The following IGSF11 variants were observed in gnomAD, a reference collection of about 807,000 sequenced individuals.
IGSF11 encodes the protein CXADR like 1.
In IGSF11, 22 loss-of-function variants were observed where a neutral mutation model predicts 41.0. The observed-to-expected ratio is 0.54, with a 90% CI of 0.38 to 0.77. The LOEUF (loss-of-function observed/expected upper bound fraction) is 0.77. IGSF11 is among the 30% of genes least tolerant of loss of function. The pLI is 0.00. For missense variants in IGSF11, 444 were observed against 530.8 expected (o/e 0.84, Z 1.61); for synonymous variants, 219 against 201.3 (o/e 1.09, Z -0.74).
chr3:119,130,450 C>T (rs2077466191), intron 1 of IGSF11, among the ~76,000 whole-genome samples: 1 of 152,192 alleles, frequency 6.6e-6, no homozygotes, highest in South Asian at 2.1e-4. Context: ...GAGCCTTGCT[C>T]ACTGCTAGCG....
intron 1 of IGSF11, among the ~76,000 whole-genome samples, chr3:119,129,896 G>C (rs972983241): frequency 7.2e-5 from 11 of 152,042 alleles, no homozygotes; most frequent in African/African-American, 1.9e-4. Context: ...GAGGTGAGAG[G>C]ATTGCTTGAG....
intron 1 of IGSF11, among the ~76,000 whole-genome samples, chr3:119,051,383 G>A (rs1385146718): frequency 6.6e-6 from 1 of 151,450 alleles, no homozygotes; most frequent in Admixed American, 6.6e-5. Context: ...AAATAAAGAG[G>A]GGCATTATAT....
Position 118,928,562 on chromosome 3 carries a change from T to C in IGSF11, c.371A>G (p.Asn124Ser). 6.2e-7 allele frequency: 1 copy of C among 1,613,812 alleles called. No homozygotes were observed. The highest frequency in any genetic ancestry group is 8.5e-7 in the Non-Finnish European group (1 of 1,179,988). Residue 124 changes from asparagine to serine, a missense_variant, in exon 3 of 7, where the codon AAC becomes AGC. Asn to Ser is a conservative substitution (Grantham distance 46, BLOSUM62 1). This residue lies in a region of IGSF11 where 193 missense variants were observed against 283.5 expected (regional missense o/e 0.68). Coordinates refer to ENST00000393775, the MANE Select transcript of IGSF11 (RefSeq NM_001015887.3). ...DTGTYQCLVN[N>S]LPDIGGRNIG... Reference sequence around the variant, plus strand: ...GTTCCTGCCCCCTATGTCTGGAAGGTTGTTGACCAGGCACTGGTAGGTGCC... The same window carrying C: ...GTTCCTGCCCCCTATGTCTGGAAGGCTGTTGACCAGGCACTGGTAGGTGCC...
At chr3:119,129,391 G>T (rs1032457390) in intron 1 of IGSF11, among the ~76,000 whole-genome samples, 1 of 152,058 alleles carries the variant, frequency 6.6e-6, no homozygotes, top group Non-Finnish European at 1.5e-5. Flanking sequence ...TATAACTGGG[G>T]TATGTAAACT....
intron 1 of IGSF11, among the ~76,000 whole-genome samples, chr3:118,990,582 C>T (rs536949803): frequency 6.6e-5 from 10 of 152,110 alleles, no homozygotes; most frequent in Non-Finnish European, 1.3e-4. Context: ...CATAGATTCA[C>T]ATATATATAA....
intron 1 of IGSF11, among the ~76,000 whole-genome samples, chr3:118,960,993 C>A (rs939506888): frequency 6.6e-6 from 1 of 152,164 alleles, no homozygotes; most frequent in African/African-American, 2.4e-5. Flanking sequence ...ATCTGACCTG[C>A]CAAAACAGCT....
At chr3:118,909,401 A>C (rs1312227601) in intron 4 of IGSF11, among the ~76,000 whole-genome samples, 2 of 152,312 alleles carry the variant, frequency 1.3e-5, no homozygotes. Context: ...TAACCTGAAA[A>C]AGATATTTAA....
chr3:118,965,816 A>G (rs1473546032), intron 1 of IGSF11, among the ~76,000 whole-genome samples: 4 of 152,146 alleles, frequency 2.6e-5, no homozygotes, highest in African/African-American at 9.6e-5. Context: ...GAATTAGGGA[A>G]GCATTTATTA....
chr3:119,041,566 C>T (rs1237269725), intron 1 of IGSF11, among the ~76,000 whole-genome samples: 2 of 151,894 alleles, frequency 1.3e-5, no homozygotes, highest in Admixed American at 6.6e-5. Flanking sequence ...GCCTGGGCAA[C>T]AAGCAAGACT....
Position 119,119,667 on chromosome 3 carries a change from A to G in IGSF11, c.-13-14462T>C, listed in dbSNP as rs1037873814. 6.6e-5 allele frequency among the ~76,000 whole-genome samples: 10 copies of G among 152,152 alleles called. 1 individual carries two copies. Among genetic ancestry groups the G allele is most frequent in the African/African-American group, 2.4e-4 (10 of 41,424 alleles). On this transcript the variant is annotated intron_variant, in intron 1 of 7. Transcript: ENST00000425327. The stretch of plus-strand genomic sequence containing the variant: ...CAAGAACCATCCCCAGAACACAGTC[A>G]ATGTTTTGTCTGAACATGCATCTCC...
chr3:119,135,277 C>T (rs2077544268), intron 1 of IGSF11, among the ~76,000 whole-genome samples: 1 of 152,160 alleles, frequency 6.6e-6, no homozygotes, highest in Non-Finnish European at 1.5e-5. Flanking sequence ...GAACAGGCAA[C>T]CTACAGAATG....
intron 1 of IGSF11, among the ~76,000 whole-genome samples, chr3:118,966,622 A>G (rs555115642): frequency 5.9e-5 from 9 of 152,328 alleles, no homozygotes; most frequent in African/African-American, 2.2e-4. Flanking sequence ...AGTGACAATT[A>G]TAAGGATCGC....
At chr3:119,056,355 T>A (rs531071053) in intron 1 of IGSF11, among the ~76,000 whole-genome samples, 9 of 152,194 alleles carry the variant, frequency 5.9e-5, no homozygotes, top group African/African-American at 2.2e-4. Context: ...TCTATGCAAA[T>A]AAACTAGAAA....
intron 1 of IGSF11, among the ~76,000 whole-genome samples, chr3:118,966,409 T>C (rs1429271621): frequency 1.3e-5 from 2 of 152,182 alleles, no homozygotes; most frequent in Non-Finnish European, 2.9e-5. Context: ...TTGCTTTTTT[T>C]CTACACGACA....
At chr3:119,025,781 G>C (rs900673469) in intron 1 of IGSF11, among the ~76,000 whole-genome samples, 1 of 152,010 alleles carries the variant, frequency 6.6e-6, no homozygotes, top group African/African-American at 2.4e-5. Context: ...GGGCAAGCTA[G>C]ACCACAGAAA....
intron 6 of IGSF11, among the ~76,000 whole-genome samples, chr3:118,904,054 T>C (rs1483528306): frequency 6.6e-6 from 1 of 152,152 alleles, no homozygotes; most frequent in Non-Finnish European, 1.5e-5. Flanking sequence ...CTGTGGTATG[T>C]CTCACTATGG....
At chr3:118,921,819 G>A (rs1289674750) in intron 4 of IGSF11, among the ~76,000 whole-genome samples, 3 of 152,060 alleles carry the variant, frequency 2.0e-5, no homozygotes, top group African/African-American at 4.8e-5. Flanking sequence ...GAGAAAATCT[G>A]TACCATTAGA....
At chr3:118,911,747 G>C (rs1330497866) in intron 4 of IGSF11, among the ~76,000 whole-genome samples, 1 of 151,784 alleles carries the variant, frequency 6.6e-6, no homozygotes, top group African/African-American at 2.4e-5. Flanking sequence ...GAAAGAGAGA[G>C]AGAGAGAATA....
intron 1 of IGSF11, among the ~76,000 whole-genome samples, chr3:119,136,260 A>T (rs1227764120): frequency 2.6e-5 from 4 of 152,110 alleles, no homozygotes; most frequent in African/African-American, 9.7e-5. Flanking sequence ...GAAGGAAGAG[A>T]AGACTACAAA....
Sources: allele counts gnomAD v4.1 joint callset (sites outside exome capture counted in the v4.1 genomes callset), GRCh38; gene constraint gnomAD v4.1.1; regional missense constraint gnomAD v4.1.1; transcripts MANE v1.5; gene names NCBI Gene and HGNC (gene_info 2026-07-23, HGNC 2026-07-21).